The following PKP4 variants were observed in gnomAD, a reference collection of about 807,000 sequenced individuals.
PKP4 encodes the protein plakophilin-4.
A neutral mutation model predicts 145.1 loss-of-function variants in PKP4; 90 were observed. That is an observed-to-expected ratio of 0.62 (90% CI 0.52 to 0.74). The LOEUF (loss-of-function observed/expected upper bound fraction) is 0.74, where lower values mean the gene tolerates loss of function less well. PKP4 is among the 30% of genes least tolerant of loss of function. PKP4 has a pLI of 0.00. For synonymous variants in PKP4, 563 were observed against 577.2 expected (o/e 0.98, Z 0.35); for missense variants, 1,340 against 1,482.7 (o/e 0.90, Z 1.58).
At chr2:158,568,798 A>T (rs1010334317) in intron 2 of PKP4, among the ~76,000 whole-genome samples, 2 of 152,110 alleles carry the variant, frequency 1.3e-5, no homozygotes, top group African/African-American at 4.8e-5. Flanking sequence ...ACATAGTGAA[A>T]CCCCATCTCT....
intron 1 of PKP4, among the ~76,000 whole-genome samples, chr2:158,500,838 A>C (rs937535068): frequency 1.3e-5 from 2 of 152,220 alleles, no homozygotes; most frequent in Non-Finnish European, 2.9e-5. Context: ...TTTAGAAGCT[A>C]TCTCGTCTCT....
chr2:158,476,257 G>GA, intron 1 of PKP4, among the ~76,000 whole-genome samples: 1 of 152,236 alleles, frequency 6.6e-6, no homozygotes, highest in East Asian at 1.9e-4. Flanking sequence ...CATGTACAGC[G>GA]AAAAATGTGC....
At chr2:158,555,968 C>T (rs1421882944) in intron 2 of PKP4, among the ~76,000 whole-genome samples, 1 of 152,174 alleles carries the variant, frequency 6.6e-6, no homozygotes, top group Non-Finnish European at 1.5e-5. Flanking sequence ...TACTTTAAAA[C>T]TCTTGATCAA....
intron 2 of PKP4, among the ~76,000 whole-genome samples, chr2:158,570,910 A>G (rs978700585): frequency 1.3e-5 from 2 of 152,208 alleles, no homozygotes; most frequent in African/African-American, 4.8e-5. Context: ...ATGTTCTCAG[A>G]TGAGAAAAAC....
chr2:158,516,118 C>G (rs1218745103), intron 1 of PKP4, among the ~76,000 whole-genome samples: 1 of 149,616 alleles, frequency 6.7e-6, no homozygotes, highest in African/African-American at 2.5e-5. Context: ...TGAGATTAAA[C>G]AGGTTCTTTT....
intron 2 of PKP4, among the ~76,000 whole-genome samples, chr2:158,561,829 T>A (rs2046549253): frequency 6.6e-6 from 1 of 151,892 alleles, no homozygotes; most frequent in African/African-American, 2.4e-5. Flanking sequence ...AGGGTACATG[T>A]GCACAACATG....
intron 2 of PKP4, among the ~76,000 whole-genome samples, chr2:158,538,642 C>G (rs1304731973): frequency 6.7e-6 from 1 of 150,268 alleles, no homozygotes; most frequent in African/African-American, 2.5e-5. Flanking sequence ...TGGGTTCAAG[C>G]AACTCTTCTG....
At chr2:158,656,123 G>T (rs559806300) in intron 11 of PKP4, among the ~76,000 whole-genome samples, 6 of 152,302 alleles carry the variant, frequency 3.9e-5, no homozygotes, top group Non-Finnish European at 5.9e-5. Context: ...ATATGAAGCT[G>T]CTCTGAGTCA....
intron 1 of PKP4, among the ~76,000 whole-genome samples, chr2:158,503,741 C>T (rs1696911345): frequency 6.6e-6 from 1 of 152,144 alleles, no homozygotes; most frequent in Admixed American, 6.5e-5. Flanking sequence ...TAATTGTATA[C>T]ACAATTCTGA....
Position 158,523,284 on chromosome 2 carries a change from G to A in PKP4, c.-5-9896G>A, listed in dbSNP as rs555335018. 4.6e-4 allele frequency among the ~76,000 whole-genome samples: 67 copies of A among 145,168 alleles called. 1 individual carries two copies. Among genetic ancestry groups the A allele is most frequent in the Non-Finnish European group, 8.6e-4 (57 of 66,554 alleles). ...TCTCCCAGCACGCAGATGGAGATCT[G>A]AGAACGGGCAGACTACCTCCTCAAG... is the stretch of plus-strand genomic sequence containing the variant. On this transcript the variant is annotated intron_variant, in intron 1 of 21. Coordinates refer to ENST00000389759, the MANE Select transcript of PKP4 (RefSeq NM_003628.6).
chr2:158,554,606 T>C (rs1237785075), intron 2 of PKP4, among the ~76,000 whole-genome samples: 1 of 151,926 alleles, frequency 6.6e-6, no homozygotes, highest in Non-Finnish European at 1.5e-5. Flanking sequence ...TTTGTATTTT[T>C]AGTAAAGACG....
At chr2:158,486,583 G>A (rs1288327397) in intron 1 of PKP4, among the ~76,000 whole-genome samples, 2 of 152,236 alleles carry the variant, frequency 1.3e-5, no homozygotes, top group African/African-American at 4.8e-5. Context: ...GGCAAGGGGT[G>A]TTGAGAACAC....
chr2:158,658,152 C>T lies in PKP4; in HGVS notation c.1931C>T (p.Ser644Leu). ...TTAGGAGTTCTTTGGAATTTATCCT[C>T]ATGTGATGCTGTAAAAATGACAATC... Reference protein sequence around the residue: ...LVTGVLWNLSSCDAVKMTIIR... With the variant: ...LVTGVLWNLSLCDAVKMTIIR... The change falls in exon 12 of 22, where the codon TCA becomes TTA. Residue 644 changes from serine to leucine, a missense_variant. By Grantham distance (145) the Ser-to-Leu change is moderately radical. Transcript: ENST00000389759. 1.3e-6 allele frequency: 2 copies of T among 1,599,944 alleles called. No homozygotes were observed. Among genetic ancestry groups the T allele is most frequent in the Non-Finnish European group, 1.7e-6 (2 of 1,169,294 alleles).
At chr2:158,494,650 C>T (rs1250195507) in intron 1 of PKP4, among the ~76,000 whole-genome samples, 1 of 152,116 alleles carries the variant, frequency 6.6e-6, no homozygotes, top group African/African-American at 2.4e-5. Context: ...TAAATATCCC[C>T]ATTATAAATA....
chr2:158,532,524 C>T (rs1296647989), intron 1 of PKP4, among the ~76,000 whole-genome samples: 1 of 152,052 alleles, frequency 6.6e-6, no homozygotes, highest in Non-Finnish European at 1.5e-5. Context: ...TCATCGTTTC[C>T]CCCTATTTTC....
chr2:158,595,187 C>T (rs544329009), intron 3 of PKP4, among the ~76,000 whole-genome samples: 93 of 152,268 alleles, frequency 6.1e-4, no homozygotes, highest in African/African-American at 2.0e-3. Flanking sequence ...ACAGGAAAAA[C>T]GGAACTGGTT....
At chr2:158,475,766 T>C (rs1476810617) in intron 1 of PKP4, among the ~76,000 whole-genome samples, 2 of 152,188 alleles carry the variant, frequency 1.3e-5, no homozygotes, top group Non-Finnish European at 2.9e-5. Flanking sequence ...ACTGACTCAG[T>C]GCACCCCTTA....
intron 3 of PKP4, among the ~76,000 whole-genome samples, chr2:158,581,077 TA>T (rs2048294337): frequency 6.6e-6 from 1 of 152,194 alleles, no homozygotes; most frequent in Non-Finnish European, 1.5e-5. Flanking sequence ...TTAGGGGAGC[TA>T]AAGTTTTTTA....
chr2:158,490,548 C>T (rs1262746203), intron 1 of PKP4, among the ~76,000 whole-genome samples: 1 of 152,094 alleles, frequency 6.6e-6, no homozygotes, highest in African/African-American at 2.4e-5. Flanking sequence ...GCTAATTTGT[C>T]ATAGAGGATT....
Sources: gnomAD v4.1 joint callset for allele counts (sites outside exome capture counted in the v4.1 genomes callset) on GRCh38, gnomAD v4.1.1 for gene constraint, MANE v1.5 for transcripts, NCBI Gene and HGNC (gene_info 2026-07-23, HGNC 2026-07-21) for gene names.